Variants in VWDE observed in about 807,000 individuals in gnomAD.
VWDE encodes the protein von Willebrand factor D and EGF domains, also known as von Willebrand factor D and EGF domain-containing protein.
A neutral mutation model predicts 178.4 loss-of-function variants in VWDE; 207 were observed. The observed-to-expected ratio is 1.16, with a 90% CI of 1.04 to 1.30. VWDE has a LOEUF of 1.30. Among genes scored for constraint, VWDE ranks in the 50% most tolerant of loss-of-function variants. The probability of loss-of-function intolerance (pLI) is 0.00; values close to 1 mark genes in which losing one functional copy is unlikely to be tolerated. For missense variants in VWDE, 2,287 were observed against 1,901.3 expected, an observed-to-expected ratio of 1.20 and a Z score of -3.77; for synonymous variants, 738 against 651.4, an observed-to-expected ratio of 1.13 and a Z score of -2.02.
chr7:12,369,802 A>G lies in VWDE; in HGVS notation c.2504T>C (p.Ile835Thr), dbSNP rs1334708174. Residue 835 changes from isoleucine (I) to threonine (T), a missense_variant, in exon 12 of 29, where the codon ATA becomes ACA. Coordinates refer to ENST00000275358, the MANE Select transcript of VWDE (RefSeq NM_001135924.3). ...CAGAACATCCTTCACACACATCTCT[A>G]TAACACTGTCTAATCTCTTGCCAAG... The part of the protein sequence containing the change: ...AFLGKRLDSV[I>T]EMCVKDVLLK... The G allele has an allele frequency of 6.4e-6, 10 of 1,551,524 alleles. No individual in the cohort carries two copies. The highest frequency in any genetic ancestry group is 2.0e-5 in the Admixed American group (1 of 50,982).
At chr7:12,360,622 A>G (rs185627507) in intron 15 of VWDE, among the ~76,000 whole-genome samples, 1 of 152,282 alleles carries the variant, frequency 6.6e-6, no homozygotes, top group Admixed American at 6.5e-5. Context: ...CTTCTGATAA[A>G]TACGGAAGGC....
At chr7:12,398,889 C>A (rs1031799319) in intron 1 of VWDE, among the ~76,000 whole-genome samples, 1 of 152,006 alleles carries the variant, frequency 6.6e-6, no homozygotes, top group African/African-American at 2.4e-5. Context: ...CTAGGGACTA[C>A]TGAAGGGGGA....
chr7:12,356,009 G>T, intron 18 of VWDE, 102 bp downstream of exon 18: 1 of 827,400 alleles, frequency 1.2e-6, no homozygotes, highest in Non-Finnish European at 1.9e-6. Context: ...TTGTAAAGAT[G>T]TGTACTAAAA....
intron 1 of VWDE, among the ~76,000 whole-genome samples, chr7:12,401,138 A>G (rs1784875126): frequency 6.6e-6 from 1 of 152,146 alleles, no homozygotes. Context: ...GCTTTCCTAT[A>G]AAATCAGGAA....
chr7:12,357,270 T>A lies in VWDE; in HGVS notation c.3520A>T (p.Ile1174Phe). ...TATGTAATTATAAAGATTACCTCAA[T>A]CGTGACTCTAGTTTCAGCATCGCAG... ...DDCDAETRVT[I>F]EVTVKSCDCL... is the part of the protein sequence containing the mutation. Residue 1174 changes from isoleucine (I) to phenylalanine (F), a missense_variant, in exon 17 of 29, where the codon ATT becomes TTT. Physicochemically the swap from Ile to Phe is conservative, Grantham distance 21. Coordinates refer to ENST00000275358, the MANE Select transcript of VWDE (RefSeq NM_001135924.3). 1 of 1,552,086 alleles carries A rather than the reference T, an allele frequency of 6.4e-7. No individual in the cohort carries two copies. Among genetic ancestry groups the A allele is most frequent in the South Asian group, 1.2e-5 (1 of 84,034 alleles).
At chr7:12,373,283 G>A (rs1235790424) in intron 9 of VWDE, 36 bp from the exon 10 acceptor site, 24 of 1,537,992 alleles carry the variant, frequency 1.6e-5, no homozygotes, top group African/African-American at 4.1e-5. Context: ...TTAAAAAATC[G>A]TGTAAAATAT....
chr7:12,339,587 A>G (rs1194433208), intron 24 of VWDE, among the ~76,000 whole-genome samples: 2 of 152,148 alleles, frequency 1.3e-5, no homozygotes, highest in African/African-American at 4.8e-5. Context: ...AATAAAAGAA[A>G]TAGAATTGCA....
intron 3 of VWDE, chr7:12,388,920 T>C (rs1314766365): frequency 1.4e-6 from 1 of 703,254 alleles, no homozygotes; most frequent in East Asian, 2.8e-5. Context: ...TTTGATGCTT[T>C]CACGTGTGGG....
Position 12,357,376 on chromosome 7 carries a change from T to C in VWDE, c.3414A>G (p.Ala1138=). The C allele has an allele frequency of 6.4e-7, 1 of 1,551,994 alleles. No individual in the cohort carries two copies. Among genetic ancestry groups the C allele is most frequent in the Non-Finnish European group, 8.7e-7 (1 of 1,147,052 alleles). ...TAAAAAGCCCTGCAGAGGAAACACT[T>C]GCCCCTTCAGGACCAGAGTCCAACG... ...HFTLDSGPEG[A]SVSSAGLFMW... is the part of the protein sequence containing the mutation. The change falls in exon 17 of 29, where the codon GCA becomes GCG. Residue 1138 remains alanine (A), a synonymous_variant. Coordinates refer to ENST00000275358, the MANE Select transcript of VWDE (RefSeq NM_001135924.3).
intron 13 of VWDE, among the ~76,000 whole-genome samples, chr7:12,366,270 T>C (rs1208993376): frequency 6.6e-6 from 1 of 152,092 alleles, no homozygotes; most frequent in Admixed American, 6.6e-5. Flanking sequence ...ATTCCAGATT[T>C]TACTCTGTAT....
chr7:12,392,130 C>G (rs534484271), intron 2 of VWDE, among the ~76,000 whole-genome samples: 1 of 152,306 alleles, frequency 6.6e-6, no homozygotes, highest in African/African-American at 2.4e-5. Context: ...GGGAGAAGAT[C>G]AGGTACATGA....
intron 9 of VWDE, among the ~76,000 whole-genome samples, chr7:12,374,032 C>T (rs1252367935): frequency 6.6e-6 from 1 of 152,042 alleles, no homozygotes; most frequent in African/African-American, 2.4e-5. Flanking sequence ...AAACCACAAC[C>T]ATTTGCATCA....
chr7:12,370,385 C>T lies in VWDE; in HGVS notation c.1921G>A (p.Val641Ile). ...CCCAAGGCAATTTCTGATCGAGAAA[C>T]ACTGTCCAGATCTTCGGAAGACGGA... ...AYPSSEDLDS[V>I]SRSEIALGCK... Residue 641 changes from valine to isoleucine, a missense_variant, in exon 12 of 29, where the codon GTT becomes ATT. Physicochemically the swap from Val to Ile is conservative, Grantham distance 29. Transcript: ENST00000275358. 5.2e-6 allele frequency: 8 copies of T among 1,550,450 alleles called. No homozygotes were observed. The highest frequency in any genetic ancestry group is 7.0e-6 in the Non-Finnish European group (8 of 1,146,832).
At chr7:12,362,406 A>G (rs992671577) in intron 13 of VWDE, among the ~76,000 whole-genome samples, 15 of 152,092 alleles carry the variant, frequency 9.9e-5, no homozygotes, top group African/African-American at 3.6e-4. Context: ...TTGAAACTAA[A>G]TAAACTCTAC....
At chr7:12,378,516 C>G (rs1366118877) in intron 6 of VWDE, among the ~76,000 whole-genome samples, 2 of 152,126 alleles carry the variant, frequency 1.3e-5, no homozygotes, top group Non-Finnish European at 2.9e-5. Context: ...TCCATGCAGT[C>G]TCGAGTCTTG....
rs1781369080 is a variant in VWDE at position 12,342,146 on chromosome 7, T to G, written c.4183A>C (p.Asn1395His). Residue 1395 changes from asparagine to histidine, a missense_variant, in exon 23 of 29, where the codon AAC becomes CAC. Asn to His is a moderately conservative substitution (Grantham distance 68, BLOSUM62 1). Coordinates refer to ENST00000275358, the MANE Select transcript of VWDE (RefSeq NM_001135924.3). The part of the protein sequence containing the change: ...VGPRCETMVC[N>H]RHCENGGQCL... ...TGGCCTCCATTTTCACAGTGCCTGT[T>G]ACAAACCACTGAGATCATAGAATAA... is the stretch of plus-strand genomic sequence containing the variant. The G allele has an allele frequency of 6.4e-7, 1 of 1,551,180 alleles. No individual in the cohort carries two copies. Among genetic ancestry groups the G allele is most frequent in the Non-Finnish European group, 8.7e-7 (1 of 1,146,688 alleles).
At chr7:12,370,556 T>A in intron 11 of VWDE, 47 bp from the exon 12 acceptor site, 5 of 1,527,400 alleles carry the variant, frequency 3.3e-6, no homozygotes, top group Non-Finnish European at 4.4e-6. Context: ...TACATAAACA[T>A]TTGTTTCCTA....
intron 19 of VWDE, among the ~76,000 whole-genome samples, chr7:12,349,880 T>G (rs1781836468): frequency 6.6e-6 from 1 of 152,080 alleles, no homozygotes; most frequent in South Asian, 2.1e-4. Context: ...ACAAGAATAC[T>G]ACATGTAATT....
chr7:12,369,013 C>G (rs1783008740), intron 12 of VWDE, among the ~76,000 whole-genome samples: 1 of 152,022 alleles, frequency 6.6e-6, no homozygotes, highest in Non-Finnish European at 1.5e-5. Context: ...TTAAAGGAAA[C>G]AAAACTTTTT....
Sources: allele counts gnomAD v4.1 joint callset (sites outside exome capture counted in the v4.1 genomes callset), GRCh38; gene constraint gnomAD v4.1.1; transcripts MANE v1.5; gene names NCBI Gene and HGNC (gene_info 2026-07-23, HGNC 2026-07-21).